Variants in ZSCAN16 observed in about 807,000 individuals in gnomAD.
ZSCAN16 encodes zinc finger and SCAN domain-containing protein 16.
A neutral mutation model predicts 19.4 loss-of-function variants in ZSCAN16; 15 were observed. The observed-to-expected ratio is 0.77, with a 90% CI of 0.52 to 1.19. The LOEUF is 1.19. Among genes scored for constraint, ZSCAN16 ranks in the 50% most tolerant of loss-of-function variants. The probability of loss-of-function intolerance (pLI) is 0.00; values close to 1 mark genes in which losing one functional copy is unlikely to be tolerated. For synonymous variants in ZSCAN16, 138 were observed against 146.5 expected (o/e 0.94, Z 0.42); for missense variants, 327 against 415.7 (o/e 0.79, Z 1.86).
chr6:28,129,334 A>G, intron 3 of ZSCAN16, 96 bp from the exon 4 acceptor site: 1 of 1,441,710 alleles, frequency 6.9e-7, no homozygotes, highest in South Asian at 1.5e-5. Flanking sequence ...ATTATTTTAT[A>G]ACACATTTAT....
chr6:28,125,551 G>A lies in ZSCAN16; in HGVS notation c.108G>A (p.Arg36=). The part of the protein sequence containing the change: ...DSSSQKCSPH[R]RELYRQHFRK... ...GCTCACAAAAGTGCAGTCCTCACAGGAGGGAACTCTATAGACAACACTTCA... is the reference window on the plus strand; with the variant it reads ...GCTCACAAAAGTGCAGTCCTCACAGAAGGGAACTCTATAGACAACACTTCA... Residue 36 remains arginine, a synonymous_variant, in exon 2 of 4, where the codon AGG becomes AGA. Coordinates refer to ENST00000340487, the MANE Select transcript of ZSCAN16 (RefSeq NM_025231.3). The surrounding 1 kb of genome is among the most constrained non-coding windows in gnomAD (Gnocchi z 6.2). 1.9e-6 allele frequency: 3 copies of A among 1,614,200 alleles called. No individual in the cohort carries two copies. Among genetic ancestry groups the A allele is most frequent in the Non-Finnish European group, 2.5e-6 (3 of 1,180,042 alleles).
intron 2 of ZSCAN16, among the ~76,000 whole-genome samples, chr6:28,126,126 A>C (rs1178042344): frequency 6.6e-6 from 1 of 152,182 alleles, no homozygotes; most frequent in Non-Finnish European, 1.5e-5. Context: ...TAAATAAAAT[A>C]GGCTACCCCA....
In ZSCAN16 at chr6:28,125,215, T is replaced by TTTTTGTTTTG. The variant is rs70983931; in HGVS notation, c.-31-179_-31-170dup. Among the ~76,000 whole-genome samples, 2,023 of 151,398 alleles carry TTTTTGTTTTG rather than the reference T, an allele frequency of 0.013. 35 individuals carry two copies. The highest frequency in any genetic ancestry group is 0.038 in the African/African-American group (1,559 of 40,980). On this transcript the variant is annotated intron_variant, in intron 1 of 3. Coordinates refer to ENST00000340487, the MANE Select transcript of ZSCAN16 (RefSeq NM_025231.3). This position sits in a 1 kb window ranked among gnomAD's most constrained non-coding sequence, Gnocchi z 6.2. Reference sequence around the variant, plus strand: ...TCAAATCATATCCCTGCGTCACTGTTTTTTGTTTTGTTTTGTTTTGTTTTG... The same window carrying TTTTTGTTTTG: ...TCAAATCATATCCCTGCGTCACTGTTTTTTGTTTTGTTTTGTTTTGTTTTGTTTTGTTTTG...
chr6:28,129,663 C>T lies in ZSCAN16; in HGVS notation c.760C>T (p.His254Tyr). 2 of 1,614,182 alleles carry T rather than the reference C, an allele frequency of 1.2e-6. No individual in the cohort carries two copies. Among genetic ancestry groups the T allele is most frequent in the Non-Finnish European group, 1.7e-6 (2 of 1,180,020 alleles). Residue 254 changes from histidine to tyrosine, a missense_variant, in exon 4 of 4, where the codon CAC becomes TAC. Physicochemically the swap from His to Tyr is moderately conservative, Grantham distance 83. Coordinates refer to ENST00000340487, the MANE Select transcript of ZSCAN16 (RefSeq NM_025231.3). ...CAGTCATAGCTCAGACCTTAGTAAACACAGGAGAACTCACACGGGAGAGAA... is the reference window on the plus strand; with the variant it reads ...CAGTCATAGCTCAGACCTTAGTAAATACAGGAGAACTCACACGGGAGAGAA... ...SFSHSSDLSK[H>Y]RRTHTGEKPY...
At position 28,129,774 on chromosome 6, in the gene ZSCAN16, C is replaced by A; in HGVS notation, c.871C>A (p.Pro291Thr). ...GHHRVHTGVK[P>T]YKCKECGKDF... The stretch of plus-strand genomic sequence containing the variant: ...TCATAGAGTACACACGGGAGTAAAA[C>A]CCTATAAATGTAAAGAATGTGGGAA... Residue 291 changes from proline to threonine, a missense_variant, in exon 4 of 4, where the codon CCC (proline) becomes ACC (threonine). Pro to Thr is a conservative substitution (Grantham distance 38). Coordinates refer to ENST00000340487, the MANE Select transcript of ZSCAN16 (RefSeq NM_025231.3). 6.2e-7 allele frequency: 1 copy of A among 1,614,076 alleles called. No homozygotes were observed. The highest frequency in any genetic ancestry group is 8.5e-7 in the Non-Finnish European group (1 of 1,180,010).
At chr6:28,126,279 G>A (rs77067383) in intron 2 of ZSCAN16, among the ~76,000 whole-genome samples, 1 of 151,570 alleles carries the variant, frequency 6.6e-6, no homozygotes. Flanking sequence ...AAAAAAAAAG[G>A]TGAAATATAT....
intron 3 of ZSCAN16, among the ~76,000 whole-genome samples, 176 bp downstream of exon 3, chr6:28,127,097 C>G (rs776478270): frequency 4.6e-5 from 7 of 152,184 alleles, no homozygotes; most frequent in Non-Finnish European, 7.4e-5. Flanking sequence ...TTTAGTTTCT[C>G]ACTAGACAAA....
At chr6:28,128,207 T>G (rs1196459164) in intron 3 of ZSCAN16, among the ~76,000 whole-genome samples, 1 of 152,130 alleles carries the variant, frequency 6.6e-6, no homozygotes, top group Non-Finnish European at 1.5e-5. Flanking sequence ...CTCAAACTCC[T>G]GGGCTCAAGT....
Position 28,125,938 on chromosome 6 carries a change from G to A in ZSCAN16, c.387+108G>A. The A allele has an allele frequency of 2.3e-6, 2 of 860,200 alleles. No homozygotes were observed. The highest frequency in any genetic ancestry group is 1.8e-6 in the Non-Finnish European group (1 of 569,160). 53.3% of individuals were successfully genotyped at this position (860,200 alleles called of 1,614,324 possible). A position where few individuals can be genotyped will look rare whatever the true frequency, so the allele number is the denominator to read the frequency against. ...AAAATATTTATCCTCTAAAGAACAAGGCATAGGAAGGGACCTGACTACCTA... is the reference window on the plus strand; with the variant it reads ...AAAATATTTATCCTCTAAAGAACAAAGCATAGGAAGGGACCTGACTACCTA... On this transcript the variant is annotated intron_variant, in intron 2 of 3. Transcript: ENST00000340487. This position sits in a 1 kb window ranked among gnomAD's most constrained non-coding sequence, Gnocchi z 6.2.
rs773782451 is a variant in ZSCAN16 at position 28,129,718 on chromosome 6, C to A, written c.815C>A (p.Ala272Asp). The A allele has an allele frequency of 1.2e-6, 2 of 1,614,062 alleles. No individual in the cohort carries two copies. Among genetic ancestry groups the A allele is most frequent in the Admixed American group, 3.3e-5 (2 of 60,010 alleles). The change falls in exon 4 of 4, where the codon GCC becomes GAC. Residue 272 changes from alanine (A) to aspartate (D), a missense_variant. By Grantham distance (126) the Ala-to-Asp change is moderately radical. Coordinates refer to ENST00000340487, the MANE Select transcript of ZSCAN16 (RefSeq NM_025231.3). ...KPYKCDECGK[A>D]FIQRSHLIGH... ...TATAAATGTGATGAGTGTGGAAAAG[C>A]CTTCATTCAGCGCTCACATCTCATT...
chr6:28,128,718 A>G (rs918379473), intron 3 of ZSCAN16, among the ~76,000 whole-genome samples: 1 of 152,248 alleles, frequency 6.6e-6, no homozygotes, highest in East Asian at 1.9e-4. Flanking sequence ...CTGATGCACA[A>G]TAAGGTTAGA....
At position 28,129,419 on chromosome 6, in the gene ZSCAN16, G is replaced by A; in HGVS notation, c.527-11G>A. On this transcript the variant is annotated splice_polypyrimidine_tract_variant and intron_variant, in intron 3 of 3. Transcript: ENST00000340487. The stretch of plus-strand genomic sequence containing the variant: ...AATAGGACCCGTTTGTGTACTGTTT[G>A]TTTGTTACAGGTGATAAAACTAGGA... 6.3e-7 allele frequency: 1 copy of A among 1,591,030 alleles called. No homozygotes were observed. Among genetic ancestry groups the A allele is most frequent in the Non-Finnish European group, 8.6e-7 (1 of 1,169,472 alleles).
Position 28,125,428 on chromosome 6 carries a change from C to A in ZSCAN16, c.-16C>A, listed in dbSNP as rs771596968. 1 of 1,601,150 alleles carries A rather than the reference C, an allele frequency of 6.2e-7. No individual in the cohort carries two copies. The highest frequency in any genetic ancestry group is 8.5e-7 in the Non-Finnish European group (1 of 1,174,148). ...TCAATCCCAGATAGAGGATAAATCT[C>A]CTGGCAAAGCCCAGAATGACCACAG... On this transcript the variant is annotated 5_prime_UTR_variant, in exon 2 of 4. Coordinates refer to ENST00000340487, the MANE Select transcript of ZSCAN16 (RefSeq NM_025231.3). The surrounding 1 kb of genome is among the most constrained non-coding windows in gnomAD (Gnocchi z 6.2).
At position 28,125,942 on chromosome 6, in the gene ZSCAN16, T is replaced by C; in HGVS notation, c.387+112T>C. 1.2e-6 allele frequency: 1 copy of C among 845,204 alleles called. No individual in the cohort carries two copies. The highest frequency in any genetic ancestry group is 1.8e-6 in the Non-Finnish European group (1 of 556,054). The allele number at this position is 845,204 out of a possible 1,614,324, so 52.4% of individuals were successfully genotyped here. On this transcript the variant is annotated intron_variant, in intron 2 of 3. Coordinates refer to ENST00000340487, the MANE Select transcript of ZSCAN16 (RefSeq NM_025231.3). The surrounding 1 kb of genome is among the most constrained non-coding windows in gnomAD (Gnocchi z 6.2). ...TATTTATCCTCTAAAGAACAAGGCA[T>C]AGGAAGGGACCTGACTACCTATGTC...
chr6:28,129,729 C>T lies in ZSCAN16; in HGVS notation c.826C>T (p.Arg276Cys), dbSNP rs568777140. 101 of 1,614,004 alleles carry T rather than the reference C, an allele frequency of 6.3e-5. No individual in the cohort carries two copies. The highest frequency in any genetic ancestry group is 4.0e-4 in the South Asian group (36 of 91,064). ...TGAGTGTGGAAAAGCCTTCATTCAG[C>T]GCTCACATCTCATTGGACATCATAG... ...CDECGKAFIQ[R>C]SHLIGHHRVH... Residue 276 changes from arginine (R) to cysteine (C), a missense_variant, in exon 4 of 4, where the codon CGC (arginine) becomes TGC (cysteine). Physicochemically the swap from Arg to Cys is radical, Grantham distance 180 (BLOSUM62 -3). Transcript: ENST00000340487.
At chr6:28,126,668 G>T in intron 2 of ZSCAN16, 115 bp from the exon 3 acceptor site, 1 of 773,220 alleles carries the variant, frequency 1.3e-6, no homozygotes. Flanking sequence ...CATTTACAAT[G>T]AAATGAGAAT....
rs1475639209 is a variant in ZSCAN16, at chr6:28,125,448, C to T, written c.5C>T (p.Thr2Ile). Reference protein sequence around the residue: MTTALEPEDQKG... With the variant: MITALEPEDQKG... ...AATCTCCTGGCAAAGCCCAGAATGACCACAGCCCTGGAACCTGAGGACCAA... is the reference window on the plus strand; with the variant it reads ...AATCTCCTGGCAAAGCCCAGAATGATCACAGCCCTGGAACCTGAGGACCAA... Residue 2 changes from threonine to isoleucine, a missense_variant, in exon 2 of 4, where the codon ACC (threonine) becomes ATC (isoleucine). Physicochemically the swap from Thr to Ile is moderately conservative, Grantham distance 89. Transcript: ENST00000340487. The surrounding 1 kb of genome is among the most constrained non-coding windows in gnomAD (Gnocchi z 6.2). The T allele has an allele frequency of 6.2e-7, 1 of 1,610,972 alleles. No homozygotes were observed. Among genetic ancestry groups the T allele is most frequent in the South Asian group, 1.1e-5 (1 of 90,660 alleles).
In ZSCAN16 at chr6:28,125,789, C is replaced by T. The variant is rs760671720; in HGVS notation, c.346C>T (p.Leu116=). The change falls in exon 2 of 4, where the codon CTG becomes TTG. Residue 116 remains leucine (L), a synonymous_variant. Coordinates refer to ENST00000340487, the MANE Select transcript of ZSCAN16 (RefSeq NM_025231.3). This position sits in a 1 kb window ranked among gnomAD's most constrained non-coding sequence, Gnocchi z 6.2. The part of the protein sequence containing the change: ...PETGEEAVTV[L]EDLERELDEP... ...GACTGGAGAGGAGGCAGTGACGGTA[C>T]TGGAGGATCTGGAGAGAGAGCTTGA... The T allele has an allele frequency of 5.0e-6, 8 of 1,612,346 alleles. No homozygotes were observed. The highest frequency in any genetic ancestry group is 3.4e-5 in the Admixed American group (2 of 59,608).
At chr6:28,128,396 T>G (rs1469786463) in intron 3 of ZSCAN16, among the ~76,000 whole-genome samples, 3 of 152,108 alleles carry the variant, frequency 2.0e-5, no homozygotes, top group African/African-American at 7.2e-5. Context: ...TTACTTCTCT[T>G]CAAGAAGCAG....
Sources: allele counts gnomAD v4.1 joint callset (sites outside exome capture counted in the v4.1 genomes callset), GRCh38; gene constraint gnomAD v4.1.1; non-coding constraint Gnocchi (gnomAD v3.1); transcripts MANE v1.5; gene names NCBI Gene and HGNC (gene_info 2026-07-23, HGNC 2026-07-21).